MUC17: variants seen among roughly 807,000 people sequenced by gnomAD.
The protein encoded by MUC17 is mucin-17.
MUC17 carries 190 observed loss-of-function variants against 170.3 expected under a neutral mutation model. That is an observed-to-expected ratio of 1.12 (90% CI 0.99 to 1.26). The LOEUF (loss-of-function observed/expected upper bound fraction) is 1.26. Among genes scored for constraint, MUC17 ranks in the 50% most tolerant of loss-of-function variants. The probability of loss-of-function intolerance (pLI) is 0.00; values close to 1 mark genes in which losing one functional copy is unlikely to be tolerated. For missense variants in MUC17, 6,415 were observed against 5,530.0 expected, an observed-to-expected ratio of 1.16 and a Z score of -5.08; for synonymous variants, 2,325 against 2,002.5, an observed-to-expected ratio of 1.16 and a Z score of -4.30.
In MUC17 at chr7:101,027,009, C is replaced by T. The variant is rs10238321; in HGVS notation, c.83-4111C>T. 3.0e-3 allele frequency among the ~76,000 whole-genome samples: 453 copies of T among 152,232 alleles called. 2 individuals are homozygous for T. Among genetic ancestry groups the T allele is most frequent in the African/African-American group, 0.01 (430 of 41,526 alleles). On this transcript the variant is annotated intron_variant, in intron 1 of 12. Coordinates refer to ENST00000306151, the MANE Select transcript of MUC17 (RefSeq NM_001040105.2). ...GGGATTACAGGTGTGAGCCATCATG[C>T]CTGGCCTATTTTATTTTTTCATTAT...
chr7:101,024,738 CTTTTTTT>C (rs35811119), intron 1 of MUC17, among the ~76,000 whole-genome samples: 1 of 125,464 alleles, frequency 8.0e-6, no homozygotes, highest in South Asian at 2.8e-4. Flanking sequence ...CTGTCTCCTC[CTTTTTTT>C]TTTTTTTTTT....
Position 101,042,970 on chromosome 7 carries a change from G to GC in MUC17, c.11556dup (p.Gly3853ArgfsTer8). On this transcript the variant is annotated frameshift_variant, in exon 3 of 13. Transcript: ENST00000306151. LOFTEE classifies it high-confidence loss of function. ...CACACCTTTGCTCACCTCTACCAAA[G>GC]CCGGTTCATTCTCCATACCTGCTGA... 1.9e-6 allele frequency: 3 copies of GC among 1,614,052 alleles called. No homozygotes were observed. Among genetic ancestry groups the GC allele is most frequent in the Middle Eastern group, 1.6e-4 (1 of 6,062 alleles).
chr7:101,023,469 C>T (rs1313713665), intron 1 of MUC17, among the ~76,000 whole-genome samples: 1 of 152,176 alleles, frequency 6.6e-6, no homozygotes, highest in African/African-American at 2.4e-5. Flanking sequence ...TCATTGCAAC[C>T]TCTGCCTCCC....
At chr7:101,031,053 C>CAGAGAATGAAGT in intron 1 of MUC17, 67 bp from the exon 2 acceptor site, 2 of 1,524,050 alleles carry the variant, frequency 1.3e-6, no homozygotes, top group South Asian at 2.7e-5. Context: ...AGTAGAGACT[C>CAGAGAATGAAGT]AGAGTCTTCA....
At chr7:101,045,970 C>T (rs182780384) in intron 3 of MUC17, among the ~76,000 whole-genome samples, 164 of 152,276 alleles carry the variant, frequency 1.1e-3, no homozygotes, top group African/African-American at 3.7e-3. Context: ...GACTGTTGAG[C>T]AATGGGTGAA....
At chr7:101,031,489 T>C (rs902784480) in intron 2 of MUC17, 112 bp from the exon 3 acceptor site, 1 of 1,188,206 alleles carries the variant, frequency 8.4e-7, no homozygotes, top group Non-Finnish European at 1.1e-6. Flanking sequence ...TGAAAACGGA[T>C]GACATCCCTT....
In MUC17 at chr7:101,031,227, G is replaced by A. The variant is rs1045026907; in HGVS notation, c.184+6G>A. 1 of 1,610,142 alleles carries A rather than the reference G, an allele frequency of 6.2e-7. No homozygotes were observed. Among genetic ancestry groups the A allele is most frequent in the South Asian group, 1.1e-5 (1 of 90,236 alleles). ...GTCTCAGCACGTTAGGACAGGTAAG[G>A]CAACAGACTCCAAGATCTATCTGGG... On this transcript the variant is annotated splice_donor_region_variant and intron_variant, in intron 2 of 12. Transcript: ENST00000306151.
Position 101,053,116 on chromosome 7 carries a change from C to G in MUC17, c.13234C>G (p.Leu4412Val). 2 of 1,614,024 alleles carry G rather than the reference C, an allele frequency of 1.2e-6. No homozygotes were observed. The highest frequency in any genetic ancestry group is 1.7e-6 in the Non-Finnish European group (2 of 1,179,966). The change falls in exon 10 of 13, where the codon CTC (leucine) becomes GTC (valine). Residue 4412 changes from leucine (L) to valine (V), a missense_variant. Coordinates refer to ENST00000306151, the MANE Select transcript of MUC17 (RefSeq NM_001040105.2). Reference sequence around the variant, plus strand: ...GATCATCCTGGTAGCTCTCCTGATGCTCGTTTTCCGCTCCAAGAGAGAGGT... The same window carrying G: ...GATCATCCTGGTAGCTCTCCTGATGGTCGTTTTCCGCTCCAAGAGAGAGGT... ...MLIILVALLM[L>V]VFRSKREVKR...
At position 101,035,156 on chromosome 7, in the gene MUC17, G is replaced by A. The variant is rs1302286014; in HGVS notation, c.3740G>A (p.Ser1247Asn). ...CTTTCAACATCTCCCGTTGACACCA[G>A]CACACCTGTGACCACTTCTGCTGAA... ...STLSTSPVDT[S>N]TPVTTSAETS... Residue 1247 changes from serine to asparagine, a missense_variant, in exon 3 of 13, where the codon AGC (serine) becomes AAC (asparagine). Ser to Asn is a conservative substitution (Grantham distance 46). Transcript: ENST00000306151. The A allele has an allele frequency of 6.2e-7, 1 of 1,610,610 alleles. No individual in the cohort carries two copies. The highest frequency in any genetic ancestry group is 1.3e-5 in the African/African-American group (1 of 74,570).
chr7:101,038,589 T>G lies in MUC17; in HGVS notation c.7173T>G (p.Thr2391=). The G allele has an allele frequency of 6.2e-7, 1 of 1,614,096 alleles. No individual in the cohort carries two copies. The highest frequency in any genetic ancestry group is 8.5e-7 in the Non-Finnish European group (1 of 1,180,018). The part of the protein sequence containing the change: ...TADDTSMPTS[T]YSEGSTPLTS... ...ACGATACTAGCATGCCAACCTCAAC[T>G]TATAGTGAAGGAAGCACTCCACTAA... The change falls in exon 3 of 13, where the codon ACT becomes ACG. Residue 2391 remains threonine, a synonymous_variant. Coordinates refer to ENST00000306151, the MANE Select transcript of MUC17 (RefSeq NM_001040105.2).
At chr7:101,023,781 G>T (rs1314978231) in intron 1 of MUC17, among the ~76,000 whole-genome samples, 1 of 152,120 alleles carries the variant, frequency 6.6e-6, no homozygotes, top group Non-Finnish European at 1.5e-5. Flanking sequence ...TTTACTTTGA[G>T]TTCTCTGAGA....
In MUC17 at chr7:101,035,601, C is replaced by G. The variant is rs549788476; in HGVS notation, c.4185C>G (p.Thr1395=). The G allele has an allele frequency of 1.7e-4, 266 of 1,611,984 alleles. 3 individuals carry two copies. In the South Asian group the frequency reaches 2.8e-3, roughly 17 times the overall value. The change falls in exon 3 of 13, where the codon ACC becomes ACG. Residue 1395 remains threonine, a synonymous_variant. Coordinates refer to ENST00000306151, the MANE Select transcript of MUC17 (RefSeq NM_001040105.2). ...SMPNSNPSEG[T]TPLTSIPVST... is the part of the protein sequence containing the mutation. Reference sequence around the variant, plus strand: ...CAAACTCAAATCCTAGTGAAGGAACCACTCCGTTAACAAGTATACCTGTCA... The same window carrying G: ...CAAACTCAAATCCTAGTGAAGGAACGACTCCGTTAACAAGTATACCTGTCA...
Position 101,042,283 on chromosome 7 carries a change from A to G in MUC17, c.10867A>G (p.Ile3623Val). ...SNSTPTPPEV[I>V]TLPMSTPSEV... is the part of the protein sequence containing the mutation. The stretch of plus-strand genomic sequence containing the variant: ...TTCTACTCCTACACCTCCTGAAGTT[A>G]TCACCCTGCCAATGTCAACTCCTAG... The change falls in exon 3 of 13, where the codon ATC (isoleucine) becomes GTC (valine). Residue 3623 changes from isoleucine (I) to valine (V), a missense_variant. Coordinates refer to ENST00000306151, the MANE Select transcript of MUC17 (RefSeq NM_001040105.2). 2 of 1,613,812 alleles carry G rather than the reference A, an allele frequency of 1.2e-6. No individual in the cohort carries two copies. Among genetic ancestry groups the G allele is most frequent in the Non-Finnish European group, 8.5e-7 (1 of 1,179,972 alleles).
intron 12 of MUC17, among the ~76,000 whole-genome samples, chr7:101,056,474 C>G (rs1795047789): frequency 6.6e-6 from 1 of 152,200 alleles, no homozygotes; most frequent in African/African-American, 2.4e-5. Context: ...AATCACTTTC[C>G]TTTGACCCCT....
chr7:101,051,991 A>C (rs774893949), intron 9 of MUC17, 29 bp downstream of exon 9: 1 of 1,594,886 alleles, frequency 6.3e-7, no homozygotes, highest in Non-Finnish European at 8.6e-7. Context: ...CCTCCAGCCC[A>C]GCCCAGACGT....
At chr7:101,027,252 G>A (rs1794197322) in intron 1 of MUC17, among the ~76,000 whole-genome samples, 1 of 152,086 alleles carries the variant, frequency 6.6e-6, no homozygotes, top group Non-Finnish European at 1.5e-5. Context: ...TAGTAAGTGA[G>A]GTTGGGGGTG....
In MUC17 at chr7:101,041,667, C is replaced by T; in HGVS notation, c.10251C>T (p.Asn3417=). The part of the protein sequence containing the change: ...STTPVVSSEV[N]TLSTTPVDSN... ...CGCCGGTGGTCAGTTCTGAGGTTAACACCCTTTCAACAACTCCTGTGGACT... is the reference window on the plus strand; with the variant it reads ...CGCCGGTGGTCAGTTCTGAGGTTAATACCCTTTCAACAACTCCTGTGGACT... Residue 3417 remains asparagine (N), a synonymous_variant, in exon 3 of 13, where the codon AAC becomes AAT. Coordinates refer to ENST00000306151, the MANE Select transcript of MUC17 (RefSeq NM_001040105.2). 1 of 1,613,926 alleles carries T rather than the reference C, an allele frequency of 6.2e-7. No individual in the cohort carries two copies. The highest frequency in any genetic ancestry group is 8.5e-7 in the Non-Finnish European group (1 of 1,179,940).
Position 101,039,867 on chromosome 7 carries a change from C to G in MUC17, c.8451C>G (p.Val2817=), listed in dbSNP as rs772721853. Residue 2817 remains valine, a synonymous_variant, in exon 3 of 13, where the codon GTC becomes GTG. Coordinates refer to ENST00000306151, the MANE Select transcript of MUC17 (RefSeq NM_001040105.2). ...ETSTPLTSMP[V]NHTPVASSEA... ...GTACTCCATTAACTAGTATGCCTGT[C>G]AACCACACGCCAGTGGCCAGTTCTG... The G allele has an allele frequency of 1.9e-6, 3 of 1,612,532 alleles. No homozygotes were observed. Among genetic ancestry groups the G allele is most frequent in the Non-Finnish European group, 2.5e-6 (3 of 1,179,576 alleles).
Position 101,037,745 on chromosome 7 carries a change from G to A in MUC17, c.6329G>A (p.Ser2110Asn), listed in dbSNP as rs1794536733. Reference sequence around the variant, plus strand: ...CCTCTACTAACAAGTATACCTCTCAGCACCACGCCGGTGGCCAGTCCTGAG... The same window carrying A: ...CCTCTACTAACAAGTATACCTCTCAACACCACGCCGGTGGCCAGTCCTGAG... ...GSPLLTSIPL[S>N]TTPVASPEAS... Residue 2110 changes from serine to asparagine, a missense_variant, in exon 3 of 13, where the codon AGC (serine) becomes AAC (asparagine). By Grantham distance (46) the Ser-to-Asn change is conservative. Coordinates refer to ENST00000306151, the MANE Select transcript of MUC17 (RefSeq NM_001040105.2). The A allele has an allele frequency of 1.7e-5, 28 of 1,613,832 alleles. No individual in the cohort carries two copies. The highest frequency in any genetic ancestry group is 2.4e-5 in the Non-Finnish European group (28 of 1,179,878).
Sources: allele counts gnomAD v4.1 joint callset (sites outside exome capture counted in the v4.1 genomes callset), GRCh38; gene constraint gnomAD v4.1.1; transcripts MANE v1.5; gene names NCBI Gene and HGNC (gene_info 2026-07-23, HGNC 2026-07-21).